Variants in CNTNAP2 observed in about 807,000 individuals in gnomAD.
CNTNAP2 encodes the protein contactin-associated protein-like 2.
Under a neutral mutation model 155.2 loss-of-function variants are expected in CNTNAP2, and 98 were observed. The ratio of observed to expected loss-of-function variants is 0.63; its 90% CI spans 0.54 to 0.75. The LOEUF (loss-of-function observed/expected upper bound fraction) is 0.75, where lower values mean the gene tolerates loss of function less well. Among genes scored for constraint, CNTNAP2 ranks in the 30% least tolerant of loss-of-function variants. The pLI is 0.00. For synonymous variants in CNTNAP2, 651 were observed against 631.2 expected (o/e 1.03, Z -0.47); for missense variants, 1,727 against 1,688.1 (o/e 1.02, Z -0.40).
chr7:147,223,501 C>T (rs1325373799), intron 8 of CNTNAP2, among the ~76,000 whole-genome samples: 2 of 152,130 alleles, frequency 1.3e-5, no homozygotes, highest in Non-Finnish European at 2.9e-5. Context: ...AGCCTGTCCT[C>T]GGCTTTATAC....
intron 1 of CNTNAP2, among the ~76,000 whole-genome samples, chr7:146,485,658 T>C (rs1323498600): frequency 1.3e-5 from 2 of 152,180 alleles, no homozygotes; most frequent in Non-Finnish European, 2.9e-5. Flanking sequence ...GGTCTCGCTC[T>C]GCCATCCAAG....
intron 8 of CNTNAP2, among the ~76,000 whole-genome samples, chr7:147,250,762 G>T (rs1333683995): frequency 1.3e-5 from 2 of 152,120 alleles, no homozygotes; most frequent in Admixed American, 1.3e-4. Context: ...TTGGAAACTT[G>T]TTAGTAATGC....
At chr7:148,225,465 T>G (rs536405249) in intron 19 of CNTNAP2, among the ~76,000 whole-genome samples, 4 of 151,948 alleles carry the variant, frequency 2.6e-5, no homozygotes, top group East Asian at 3.9e-4. Flanking sequence ...ATGTGGATGG[T>G]GAGGAGTGAG....
At chr7:146,795,154 T>C (rs1054168805) in intron 2 of CNTNAP2, among the ~76,000 whole-genome samples, 1 of 152,220 alleles carries the variant, frequency 6.6e-6, no homozygotes, top group Non-Finnish European at 1.5e-5. Flanking sequence ...ATAAATCTCA[T>C]GATAAAGAGC....
At chr7:147,889,090 T>C (rs10488350) in intron 13 of CNTNAP2, among the ~76,000 whole-genome samples, 13,884 of 152,134 alleles carry the variant, frequency 0.091, 848 homozygotes, top group Middle Eastern at 0.2. Flanking sequence ...GAGACACTGT[T>C]AAGTTAAATA....
chr7:147,791,325 G>A (rs1797814891), intron 13 of CNTNAP2, among the ~76,000 whole-genome samples: 1 of 152,012 alleles, frequency 6.6e-6, no homozygotes, highest in South Asian at 2.1e-4. Context: ...TTACCTGGGA[G>A]CTTCTAGACC....
intron 1 of CNTNAP2, among the ~76,000 whole-genome samples, chr7:146,216,598 C>A (rs955515032): frequency 6.6e-6 from 1 of 152,188 alleles, no homozygotes; most frequent in African/African-American, 2.4e-5. Context: ...CCAAGCCAGG[C>A]TCTAACCTGG....
intron 4 of CNTNAP2, among the ~76,000 whole-genome samples, chr7:147,071,556 T>C (rs1335050375): frequency 6.6e-6 from 1 of 152,208 alleles, no homozygotes; most frequent in Non-Finnish European, 1.5e-5. Flanking sequence ...GTATGCTCTC[T>C]GGCACCTAAT....
At chr7:147,047,780 A>G (rs548176836) in intron 4 of CNTNAP2, among the ~76,000 whole-genome samples, 3 of 152,308 alleles carry the variant, frequency 2.0e-5, no homozygotes, top group South Asian at 2.1e-4. Flanking sequence ...CAATTACAAG[A>G]CAAGAAGGAA....
intron 1 of CNTNAP2, among the ~76,000 whole-genome samples, chr7:146,579,294 A>G (rs1172519581): frequency 6.6e-6 from 1 of 152,044 alleles, no homozygotes; most frequent in Non-Finnish European, 1.5e-5. Context: ...TTCCTTTCTG[A>G]GCTCTATAGA....
intron 8 of CNTNAP2, among the ~76,000 whole-genome samples, chr7:147,147,187 A>G (rs1338277519): frequency 6.6e-6 from 1 of 152,100 alleles, no homozygotes; most frequent in Admixed American, 6.5e-5. Context: ...CCCCCTTATA[A>G]AACCATCATA....
In CNTNAP2 at chr7:147,751,955, G is replaced by A. The variant is rs139009817; in HGVS notation, c.2098+112649G>A. On this transcript the variant is annotated intron_variant, in intron 13 of 23. Coordinates refer to ENST00000361727, the MANE Select transcript of CNTNAP2 (RefSeq NM_014141.6). ...AGGTTAAGTGCATATACAAATCCAC[G>A]GTTGGAAGCAATCGAGCTGGAATCT... Among the ~76,000 whole-genome samples the A allele has an allele frequency of 1.1e-3, 158 of 150,124 alleles. 1 individual carries two copies. The highest frequency in any genetic ancestry group is 6.8e-3 in the Middle Eastern group (2 of 294).
At chr7:147,355,633 A>G (rs1330592403) in intron 9 of CNTNAP2, among the ~76,000 whole-genome samples, 2 of 152,148 alleles carry the variant, frequency 1.3e-5, no homozygotes, top group Non-Finnish European at 2.9e-5. Flanking sequence ...AGAAATACAA[A>G]CTACCATCAG....
chr7:148,171,091 T>C (rs1479669466), intron 17 of CNTNAP2, among the ~76,000 whole-genome samples: 1 of 152,202 alleles, frequency 6.6e-6, no homozygotes, highest in Non-Finnish European at 1.5e-5. Context: ...TATGAGTCCT[T>C]GAGTAAACTT....
intron 1 of CNTNAP2, among the ~76,000 whole-genome samples, chr7:146,298,393 T>C (rs1800550249): frequency 6.6e-6 from 1 of 152,148 alleles, no homozygotes; most frequent in Admixed American, 6.5e-5. Context: ...AAGATATTAC[T>C]AGTAAATACA....
At chr7:147,724,424 T>A (rs1008428783) in intron 13 of CNTNAP2, among the ~76,000 whole-genome samples, 1 of 152,074 alleles carries the variant, frequency 6.6e-6, no homozygotes, top group Non-Finnish European at 1.5e-5. Context: ...GAAAGTATCC[T>A]CAAGCCTCAC....
chr7:147,093,072 C>CATATAT (rs10596701), intron 4 of CNTNAP2, among the ~76,000 whole-genome samples: 11 of 144,658 alleles, frequency 7.6e-5, no homozygotes, highest in African/African-American at 1.3e-4. Context: ...AATACAAATA[C>CATATAT]ATATATATAT....
chr7:146,493,997 A>G (rs1246128356), intron 1 of CNTNAP2, among the ~76,000 whole-genome samples: 1 of 152,140 alleles, frequency 6.6e-6, no homozygotes, highest in Admixed American at 6.6e-5. Flanking sequence ...ACCAAAAACC[A>G]TTTGTATCCC....
rs375051756 is a variant in CNTNAP2, at chr7:146,404,100, G to A, written c.97+287127G>A. The stretch of plus-strand genomic sequence containing the variant: ...AGATCCCGCCACTGCACTCCAGCCT[G>A]GGCGACAGAGCGAGACTCCGTCTCA... On this transcript the variant is annotated intron_variant, in intron 1 of 23. Coordinates refer to ENST00000361727, the MANE Select transcript of CNTNAP2 (RefSeq NM_014141.6). Among the ~76,000 whole-genome samples the A allele has an allele frequency of 7.9e-5, 10 of 127,150 alleles. No individual in the cohort carries two copies. The East Asian group carries it at 1.1e-3, about 14-fold the overall frequency. 83.4% of individuals were successfully genotyped at this position (127,150 alleles called of 152,430 possible).
Sources: allele counts gnomAD v4.1 joint callset (sites outside exome capture counted in the v4.1 genomes callset), GRCh38; gene constraint gnomAD v4.1.1; transcripts MANE v1.5; gene names NCBI Gene and HGNC (gene_info 2026-07-23, HGNC 2026-07-21).